The following GALNT14 variants were observed in gnomAD, a reference collection of about 807,000 sequenced individuals.
The protein encoded by GALNT14 is polypeptide N-acetylgalactosaminyltransferase 14.
GALNT14 carries 60 observed loss-of-function variants against 77.5 expected under a neutral mutation model. That is an observed-to-expected ratio of 0.77 (90% CI 0.63 to 0.96). GALNT14 has a LOEUF of 0.96. Among genes scored for constraint, GALNT14 ranks in the 40% least tolerant of loss-of-function variants. The pLI is 0.00. For missense variants in GALNT14, 710 were observed against 731.0 expected, an observed-to-expected ratio of 0.97 and a Z score of 0.33; for synonymous variants, 280 against 281.7, an observed-to-expected ratio of 0.99 and a Z score of 0.06.
intron 6 of GALNT14, among the ~76,000 whole-genome samples, chr2:30,955,273 G>C (rs895550350): frequency 1.3e-5 from 2 of 152,082 alleles, no homozygotes; most frequent in African/African-American, 2.4e-5. Flanking sequence ...CACCCATAAG[G>C]GTTCCCATTC....
At chr2:31,036,807 T>C (rs1672762789) in intron 1 of GALNT14, among the ~76,000 whole-genome samples, 1 of 152,238 alleles carries the variant, frequency 6.6e-6, no homozygotes, top group Non-Finnish European at 1.5e-5. Flanking sequence ...TCTTTCAGCA[T>C]TTTTAATGTA....
At chr2:31,104,120 C>A (rs1677431196) in intron 1 of GALNT14, among the ~76,000 whole-genome samples, 1 of 152,146 alleles carries the variant, frequency 6.6e-6, no homozygotes, top group Non-Finnish European at 1.5e-5. Context: ...TGGTATTTTT[C>A]TCCTCATAAG....
chr2:30,898,505 G>T, the GALNT14 span, among the ~76,000 whole-genome samples: 1 of 152,210 alleles, frequency 6.6e-6, no homozygotes, highest in Non-Finnish European at 1.5e-5. Flanking sequence ...TTATGAGACA[G>T]GTGTGATTAT....
chr2:31,100,718 C>T (rs116830659), intron 1 of GALNT14, among the ~76,000 whole-genome samples: 2,524 of 150,084 alleles, frequency 0.017, 77 homozygotes, highest in African/African-American at 0.057. Context: ...AAAAAAAATA[C>T]CTGAACTATA....
At position 30,912,290 on chromosome 2, in the gene GALNT14, G is replaced by A. The variant is rs1664414871; in HGVS notation, c.1433C>T (p.Ser478Leu). 1 of 1,614,040 alleles carries A rather than the reference G, an allele frequency of 6.2e-7. No individual in the cohort carries two copies. Among genetic ancestry groups the A allele is most frequent in the Non-Finnish European group, 8.5e-7 (1 of 1,180,020 alleles). Residue 478 changes from serine to leucine, a missense_variant, in exon 14 of 15, where the codon TCA (serine) becomes TTA (leucine). Coordinates refer to ENST00000349752, the MANE Select transcript of GALNT14 (RefSeq NM_024572.4). Reference sequence around the variant, plus strand: ...GGCGCCAGGGAACAAGGTGATGACTGACAGGCACAGCTCCTCCTGGAGGAT... The same window carrying A: ...GGCGCCAGGGAACAAGGTGATGACTAACAGGCACAGCTCCTCCTGGAGGAT... ...QQILQEELCL[S>L]VITLFPGAPV... is the part of the protein sequence containing the mutation.
chr2:31,002,729 C>T (rs192318488), intron 1 of GALNT14, among the ~76,000 whole-genome samples: 51 of 152,270 alleles, frequency 3.3e-4, no homozygotes, highest in African/African-American at 1.2e-3. Flanking sequence ...TAATATAACT[C>T]CCACCTGCAG....
intron 1 of GALNT14, among the ~76,000 whole-genome samples, chr2:31,077,965 T>G (rs1323291152): frequency 6.6e-6 from 1 of 152,206 alleles, no homozygotes; most frequent in Non-Finnish European, 1.5e-5. Flanking sequence ...GGAGCCTAAC[T>G]TAATGACAGA....
intron 1 of GALNT14, among the ~76,000 whole-genome samples, chr2:31,009,004 A>G (rs148282261): frequency 7.2e-5 from 11 of 152,318 alleles, no homozygotes; most frequent in Non-Finnish European, 1.2e-4. Flanking sequence ...CATCTGGCTT[A>G]GCCCTTGAAC....
At chr2:30,921,329 A>G (rs1347491415) in intron 13 of GALNT14, among the ~76,000 whole-genome samples, 5 of 152,214 alleles carry the variant, frequency 3.3e-5, no homozygotes, top group Non-Finnish European at 7.3e-5. Context: ...GCTGCCCACC[A>G]GCACTGCCCA....
At chr2:31,021,934 G>A (rs897800571) in intron 1 of GALNT14, among the ~76,000 whole-genome samples, 4 of 152,196 alleles carry the variant, frequency 2.6e-5, no homozygotes, top group Non-Finnish European at 5.9e-5. Context: ...TATAAAGTGT[G>A]GATGTAATAA....
chr2:30,951,832 C>G (rs1667046309), intron 6 of GALNT14, among the ~76,000 whole-genome samples: 1 of 152,150 alleles, frequency 6.6e-6, no homozygotes, highest in Non-Finnish European at 1.5e-5. Flanking sequence ...CCTCACCTAG[C>G]AGCCCCCAAT....
chr2:30,954,697 T>C (rs998142776), intron 6 of GALNT14, among the ~76,000 whole-genome samples: 8 of 152,192 alleles, frequency 5.3e-5, no homozygotes, highest in Admixed American at 3.3e-4. Flanking sequence ...ATTATGCAGG[T>C]AGGAGTTTAG....
the GALNT14 span, among the ~76,000 whole-genome samples, chr2:30,901,254 C>A: frequency 6.6e-6 from 1 of 152,156 alleles, no homozygotes; most frequent in African/African-American, 2.4e-5. Context: ...CAGAAGGAAA[C>A]TGTGAGTGAG....
chr2:31,014,785 A>T (rs540080382), intron 1 of GALNT14, among the ~76,000 whole-genome samples: 1 of 152,330 alleles, frequency 6.6e-6, no homozygotes, highest in South Asian at 2.1e-4. Flanking sequence ...TTTACCATGT[A>T]TATAGAGTGC....
intron 1 of GALNT14, among the ~76,000 whole-genome samples, chr2:31,088,769 A>C (rs942127906): frequency 6.6e-6 from 1 of 152,200 alleles, no homozygotes; most frequent in Non-Finnish European, 1.5e-5. Flanking sequence ...AATGGGAATG[A>C]TGTACTGAGA....
chr2:31,111,401 A>G (rs1271821569), intron 1 of GALNT14, among the ~76,000 whole-genome samples: 1 of 152,236 alleles, frequency 6.6e-6, no homozygotes, highest in Non-Finnish European at 1.5e-5. Flanking sequence ...TTTGCTAAAC[A>G]TTTGTGAAAT....
chr2:31,013,455 G>A (rs1188355852), intron 1 of GALNT14, among the ~76,000 whole-genome samples: 1 of 152,254 alleles, frequency 6.6e-6, no homozygotes, highest in East Asian at 1.9e-4. Context: ...CTACAGAAGG[G>A]GAAATGTTCA....
intron 1 of GALNT14, among the ~76,000 whole-genome samples, chr2:31,135,920 A>C (rs1573398677): frequency 6.6e-6 from 1 of 152,306 alleles, no homozygotes; most frequent in African/African-American, 2.4e-5. Flanking sequence ...GGAGAGGAGG[A>C]GGGACAAAGA....
intron 1 of GALNT14, among the ~76,000 whole-genome samples, chr2:31,101,096 C>T (rs1268682243): frequency 1.3e-5 from 2 of 151,942 alleles, no homozygotes; most frequent in Admixed American, 6.6e-5. Flanking sequence ...CCAGAATAAC[C>T]TTAGCCAGTC....
Sources: allele counts gnomAD v4.1 joint callset (sites outside exome capture counted in the v4.1 genomes callset), GRCh38; gene constraint gnomAD v4.1.1; transcripts MANE v1.5; gene names NCBI Gene and HGNC (gene_info 2026-07-23, HGNC 2026-07-21).